LRRC69: variants seen among roughly 807,000 people sequenced by gnomAD.
LRRC69 encodes the protein leucine rich repeat containing 69, also known as leucine-rich repeat-containing protein 69.
A neutral mutation model predicts 37.8 loss-of-function variants in LRRC69; 42 were observed. The ratio of observed to expected loss-of-function variants is 1.11; its 90% confidence interval spans 0.87 to 1.44. The LOEUF (loss-of-function observed/expected upper bound fraction) is 1.44. Among genes scored for constraint, LRRC69 ranks in the 40% most tolerant of loss-of-function variants. LRRC69 has a pLI of 0.00. For synonymous variants in LRRC69, 141 were observed against 143.1 expected (o/e 0.99, Z 0.11); for missense variants, 357 against 401.9 (o/e 0.89, Z 0.96).
At chr8:91,106,545 C>T (rs939402617) in intron 1 of LRRC69, among the ~76,000 whole-genome samples, 10 of 151,950 alleles carry the variant, frequency 6.6e-5, no homozygotes, top group Non-Finnish European at 1.5e-4. Flanking sequence ...AAGTTATTAC[C>T]CTCATACTGT....
intron 7 of LRRC69, among the ~76,000 whole-genome samples, chr8:91,218,517 TAAG>T (rs1810098222): frequency 6.6e-6 from 1 of 152,166 alleles, no homozygotes; most frequent in African/African-American, 2.4e-5. Context: ...AGATACCCAT[TAAG>T]AAGTTCAGTA....
intron 6 of LRRC69, among the ~76,000 whole-genome samples, chr8:91,192,817 G>C (rs1190932727): frequency 2.0e-5 from 3 of 149,818 alleles, no homozygotes; most frequent in African/African-American, 7.3e-5. Context: ...TCTGATAGTA[G>C]TTTCTTTTGC....
Position 91,176,134 on chromosome 8 carries a change from A to ATATATATTTTTTTTTT in LRRC69, c.652-13387_652-13386insATATATTTTTTTTTTT. On this transcript the variant is annotated intron_variant, in intron 5 of 7. Coordinates refer to ENST00000448384, the Ensembl canonical transcript of LRRC69. ...ATCCCTCATATATATATATATATAT[A>ATATATATTTTTTTTTT]TTTTTTTTTTTTCTTTTTTTTGAGA... Among the ~76,000 whole-genome samples the ATATATATTTTTTTTTT allele has an allele frequency of 7.7e-4, 58 of 75,690 alleles. 1 individual carries two copies. Among genetic ancestry groups the ATATATATTTTTTTTTT allele is most frequent in the African/African-American group, 1.7e-3 (28 of 16,426 alleles). The allele number at this position is 75,690 out of a possible 152,430, so 49.7% of individuals were successfully genotyped here.
Position 91,210,562 on chromosome 8 carries a change from GACAC to G in LRRC69, c.934-8298_934-8295del, listed in dbSNP as rs35968986. ...TTAAACACAGACACACACACACACA[GACAC>G]ACACACACACACACACACACACACA... On this transcript the variant is annotated intron_variant, in intron 7 of 7. Coordinates refer to ENST00000448384, the Ensembl canonical transcript of LRRC69. Among the ~76,000 whole-genome samples, 437 of 146,192 alleles carry G rather than the reference GACAC, an allele frequency of 3.0e-3. 3 individuals carry two copies. The highest frequency in any genetic ancestry group is 0.025 in the East Asian group (120 of 4,818).
At chr8:91,189,422 C>T (rs1809456127) in intron 5 of LRRC69, 100 bp from the exon 6 acceptor site, 10 of 827,452 alleles carry the variant, frequency 1.2e-5, no homozygotes, top group Middle Eastern at 2.5e-4. Context: ...GATTTTTAGT[C>T]CTAAATAAAG....
chr8:91,124,416 A>G, intron 1 of LRRC69, 77 bp from the exon 2 acceptor site: 1 of 1,191,672 alleles, frequency 8.4e-7, no homozygotes, highest in Non-Finnish European at 1.1e-6. Flanking sequence ...GATGTGAGCA[A>G]GGGAGCTTAA....
intron 5 of LRRC69, among the ~76,000 whole-genome samples, chr8:91,143,062 CCTTA>C (rs760168151): frequency 6.6e-5 from 10 of 152,022 alleles, no homozygotes; most frequent in Non-Finnish European, 1.2e-4. Flanking sequence ...ATTCGGTTAG[CCTTA>C]CTTCTTTTTA....
chr8:91,124,217 T>A lies in LRRC69; in HGVS notation c.184-276T>A, dbSNP rs186418077. On this transcript the variant is annotated intron_variant, in intron 1 of 7. Transcript: ENST00000448384. Reference sequence around the variant, plus strand: ...TTTATAAATGGATCATCGGTTGTGGTTTTACATATCCTTGGGATGGTTAGT... The same window carrying A: ...TTTATAAATGGATCATCGGTTGTGGATTTACATATCCTTGGGATGGTTAGT... Among the ~76,000 whole-genome samples the A allele has an allele frequency of 3.2e-3, 487 of 152,130 alleles. 1 individual carries two copies. Among genetic ancestry groups the A allele is most frequent in the African/African-American group, 0.011 (441 of 41,568 alleles).
intron 3 of LRRC69, among the ~76,000 whole-genome samples, chr8:91,132,750 G>A (rs1011346643): frequency 5.3e-5 from 8 of 151,912 alleles, no homozygotes; most frequent in Non-Finnish European, 8.8e-5. Context: ...GCCTGTTCCT[G>A]TATTGATCTA....
chr8:91,213,061 T>G (rs1022294641), intron 7 of LRRC69, among the ~76,000 whole-genome samples: 17 of 152,282 alleles, frequency 1.1e-4, no homozygotes, highest in Non-Finnish European at 2.1e-4. Context: ...TTACATTTTA[T>G]TGAGCTTTAG....
At chr8:91,191,308 TTTAA>T (rs1809492002) in intron 6 of LRRC69, among the ~76,000 whole-genome samples, 1 of 152,164 alleles carries the variant, frequency 6.6e-6, no homozygotes, top group Non-Finnish European at 1.5e-5. Context: ...AACAGTTGTA[TTTAA>T]TTTTTTATTC....
At chr8:91,133,567 T>A (rs528909118) in intron 4 of LRRC69, among the ~76,000 whole-genome samples, 1 of 152,204 alleles carries the variant, frequency 6.6e-6, no homozygotes, top group South Asian at 2.1e-4. Context: ...ATGATTAAAT[T>A]TTTTACTATA....
chr8:91,179,256 G>T (rs1809284685), intron 5 of LRRC69, among the ~76,000 whole-genome samples: 1 of 152,150 alleles, frequency 6.6e-6, no homozygotes, highest in Non-Finnish European at 1.5e-5. Flanking sequence ...TTCTGGAGAG[G>T]CCTCAGAAAG....
chr8:91,176,622 G>A (rs1262956250), intron 5 of LRRC69, among the ~76,000 whole-genome samples: 2 of 152,160 alleles, frequency 1.3e-5, no homozygotes, highest in African/African-American at 4.8e-5. Context: ...AAAGCCAGTG[G>A]TATCCTTCCA....
chr8:91,105,349 A>G (rs1813292251), intron 1 of LRRC69, among the ~76,000 whole-genome samples: 2 of 151,840 alleles, frequency 1.3e-5, no homozygotes, highest in Admixed American at 6.6e-5. Flanking sequence ...AGATTATCAT[A>G]GAGTTCAGAT....
chr8:91,162,072 C>G (rs928973061), intron 5 of LRRC69, among the ~76,000 whole-genome samples: 2 of 151,262 alleles, frequency 1.3e-5, no homozygotes, highest in African/African-American at 4.8e-5. Context: ...TTCCACAGTT[C>G]CTCTTGTTAT....
At chr8:91,192,857 C>T (rs970684289) in intron 6 of LRRC69, among the ~76,000 whole-genome samples, 1 of 150,948 alleles carries the variant, frequency 6.6e-6, no homozygotes, top group African/African-American at 2.4e-5. Flanking sequence ...TTAATTAGAT[C>T]CCATTTGTCA....
intron 5 of LRRC69, among the ~76,000 whole-genome samples, chr8:91,165,444 A>G (rs1407605426): frequency 6.6e-6 from 1 of 151,790 alleles, no homozygotes; most frequent in African/African-American, 2.4e-5. Context: ...TGGGGAGACC[A>G]TGAGGTTTTT....
At chr8:91,209,458 A>C (rs1354732116) in intron 7 of LRRC69, 2 of 152,066 alleles carry the variant, frequency 1.3e-5, no homozygotes, top group African/African-American at 4.8e-5. Flanking sequence ...TAAATAAATA[A>C]ATAAATAAAT....
Sources: allele counts gnomAD v4.1 joint callset (sites outside exome capture counted in the v4.1 genomes callset), GRCh38; gene constraint gnomAD v4.1.1; transcripts MANE v1.5; gene names NCBI Gene and HGNC (gene_info 2026-07-23, HGNC 2026-07-21).